NRXN3: variants seen among roughly 807,000 people sequenced by gnomAD.
NRXN3 encodes the protein neurexin III.
NRXN3 carries 32 observed loss-of-function variants against 137.6 expected under a neutral mutation model. The observed-to-expected ratio is 0.23, with a 90% CI of 0.18 to 0.31. The LOEUF (loss-of-function observed/expected upper bound fraction) is 0.31. Ranked by LOEUF, NRXN3 falls within the 10% of genes least tolerant of loss-of-function variation. The pLI is 1.00. For synonymous variants in NRXN3, 798 were observed against 784.5 expected, an observed-to-expected ratio of 1.02 and a Z score of -0.29; for missense variants, 1,574 against 2,062.5, an observed-to-expected ratio of 0.76 and a Z score of 4.59.
chr14:78,278,840 C>A (rs2073991189), intron 3 of NRXN3, among the ~76,000 whole-genome samples, 178 bp downstream of exon 3: 1 of 152,124 alleles, frequency 6.6e-6, no homozygotes, highest in Non-Finnish European at 1.5e-5. Flanking sequence ...TTTTGAAGAA[C>A]CATTTTAAAG....
chr14:78,567,043 T>C (rs952023657), intron 4 of NRXN3, among the ~76,000 whole-genome samples: 6 of 152,112 alleles, frequency 3.9e-5, no homozygotes, highest in Admixed American at 2.0e-4. Context: ...ACATGATGTA[T>C]GGAGACTCCA....
chr14:79,074,056 A>T (rs8013704), intron 15 of NRXN3, among the ~76,000 whole-genome samples: 6,472 of 152,266 alleles, frequency 0.043, 505 homozygotes, highest in African/African-American at 0.15. Context: ...TGTTCACATT[A>T]TCTAACACAT....
At chr14:78,497,485 C>G (rs1448586548) in intron 4 of NRXN3, among the ~76,000 whole-genome samples, 3 of 152,122 alleles carry the variant, frequency 2.0e-5, no homozygotes, top group Non-Finnish European at 1.5e-5. Flanking sequence ...CTATCACTTG[C>G]TGTTCTCATT....
At chr14:79,731,382 C>T (rs2098921940) in intron 19 of NRXN3, among the ~76,000 whole-genome samples, 2 of 152,170 alleles carry the variant, frequency 1.3e-5, no homozygotes, top group African/African-American at 4.8e-5. Flanking sequence ...AAAGATTTCA[C>T]AGGAGCATCA....
Position 78,262,635 on chromosome 14 carries a change from C to T in NRXN3, c.710-16010C>T, listed in dbSNP as rs117948829. Reference sequence around the variant, plus strand: ...TGTCTCAGTCCTGCCCTCCCAGGTCCTCCCACCTGCCACAGTTTGTTTTCT... The same window carrying T: ...TGTCTCAGTCCTGCCCTCCCAGGTCTTCCCACCTGCCACAGTTTGTTTTCT... On this transcript the variant is annotated intron_variant, in intron 2 of 20. Transcript: ENST00000335750. Among the ~76,000 whole-genome samples, 259 of 152,196 alleles carry T rather than the reference C, an allele frequency of 1.7e-3. 5 individuals carry two copies. In the East Asian group the frequency reaches 0.044, roughly 26 times the overall value.
chr14:79,727,798 T>C (rs999039769), intron 19 of NRXN3, among the ~76,000 whole-genome samples: 3 of 152,156 alleles, frequency 2.0e-5, no homozygotes, highest in African/African-American at 7.2e-5. Context: ...GGAGGGAAAT[T>C]GCTACGAGAG....
At position 79,848,122 on chromosome 14, in the gene NRXN3, A is replaced by G. The variant is rs528722983; in HGVS notation, c.4094-13220A>G. On this transcript the variant is annotated intron_variant, in intron 20 of 20. Coordinates refer to ENST00000335750, the MANE Select transcript of NRXN3 (RefSeq NM_001330195.2). ...TTCAATACTTGAAGCTCATTTTTAT[A>G]AAGTATATGTGTGTAGTAGGGAATT... Among the ~76,000 whole-genome samples the G allele has an allele frequency of 4.1e-4, 62 of 152,308 alleles. 1 individual carries two copies. Among genetic ancestry groups the G allele is most frequent in the Admixed American group, 1.6e-3 (24 of 15,296 alleles).
At chr14:79,619,034 C>T (rs1567681755) in intron 16 of NRXN3, among the ~76,000 whole-genome samples, 2 of 152,064 alleles carry the variant, frequency 1.3e-5, no homozygotes, top group East Asian at 1.9e-4. Flanking sequence ...ATATTCTTTG[C>T]CTATTTTTAA....
chr14:79,829,105 G>T (rs1200367837), intron 20 of NRXN3, among the ~76,000 whole-genome samples: 1 of 152,114 alleles, frequency 6.6e-6, no homozygotes, highest in Non-Finnish European at 1.5e-5. Context: ...TTACCAGTGT[G>T]ATTCATCATG....
intron 3 of NRXN3, among the ~76,000 whole-genome samples, chr14:78,297,191 G>A (rs1303659065): frequency 6.6e-6 from 1 of 152,174 alleles, no homozygotes; most frequent in Non-Finnish European, 1.5e-5. Context: ...AAGTGGTATT[G>A]TTGTCCCTGG....
At chr14:79,174,501 TTATA>T (rs68143466) in intron 15 of NRXN3, among the ~76,000 whole-genome samples, 1 of 143,508 alleles carries the variant, frequency 7.0e-6, no homozygotes, top group Non-Finnish European at 1.5e-5. Context: ...ATTGAAAGTT[TTATA>T]TATATATATA....
intron 10 of NRXN3, among the ~76,000 whole-genome samples, chr14:78,948,481 C>T (rs1367160487): frequency 6.6e-6 from 1 of 152,168 alleles, no homozygotes; most frequent in Non-Finnish European, 1.5e-5. Flanking sequence ...TCTGAGCTCA[C>T]AATAACTGTC....
chr14:79,755,969 TGAAAA>T (rs1454327600), intron 19 of NRXN3, among the ~76,000 whole-genome samples: 1 of 152,180 alleles, frequency 6.6e-6, no homozygotes, highest in African/African-American at 2.4e-5. Flanking sequence ...CTCTTATAAT[TGAAAA>T]GTAAGTAATT....
chr14:79,766,717 G>A (rs764387693), intron 19 of NRXN3, among the ~76,000 whole-genome samples: 3 of 152,148 alleles, frequency 2.0e-5, no homozygotes, highest in Admixed American at 6.6e-5. Flanking sequence ...TTGTGCTGGC[G>A]TCAAACATTT....
intron 2 of NRXN3, among the ~76,000 whole-genome samples, chr14:78,274,919 G>A (rs1567143149): frequency 6.6e-6 from 1 of 152,172 alleles, no homozygotes; most frequent in African/African-American, 2.4e-5. Flanking sequence ...TACTGAGGAC[G>A]TGTGTGAATG....
intron 19 of NRXN3, among the ~76,000 whole-genome samples, chr14:79,729,074 T>G (rs11849377): frequency 0.13 from 19,965 of 152,180 alleles, 2,451 homozygotes; most frequent in African/African-American, 0.32. Context: ...TGGTGACATG[T>G]GTGCCACCAT....
rs1171139613 is a variant in NRXN3, at chr14:79,191,777, AC to A, written c.3262+203637del. On this transcript the variant is annotated intron_variant, in intron 15 of 20. Transcript: ENST00000335750. ...AGCAGGTGATTAAAATATGGATTTA[AC>A]TGCTGATTTGTTCATATTTAAGATC... is the stretch of plus-strand genomic sequence containing the variant. Among the ~76,000 whole-genome samples, 12 of 152,252 alleles carry A rather than the reference AC, an allele frequency of 7.9e-5. No individual in the cohort carries two copies. In the East Asian group the frequency reaches 1.4e-3, roughly 17 times the overall value.
intron 8 of NRXN3, among the ~76,000 whole-genome samples, chr14:78,736,233 G>A (rs1267901193): frequency 1.3e-5 from 2 of 152,084 alleles, no homozygotes; most frequent in South Asian, 2.1e-4. Context: ...TCCACCTTTC[G>A]CTTAGCGTGG....
intron 15 of NRXN3, among the ~76,000 whole-genome samples, chr14:79,229,094 A>G (rs2071633043): frequency 6.6e-6 from 1 of 152,136 alleles, no homozygotes; most frequent in Non-Finnish European, 1.5e-5. Flanking sequence ...ACCCAAGTTA[A>G]TCAAATTTCC....
Sources: gnomAD v4.1 joint callset for allele counts (sites outside exome capture counted in the v4.1 genomes callset) on GRCh38, gnomAD v4.1.1 for gene constraint, MANE v1.5 for transcripts, NCBI Gene and HGNC (gene_info 2026-07-23, HGNC 2026-07-21) for gene names.